The following CNTN5 variants were observed in gnomAD, a reference collection of about 807,000 sequenced individuals.
CNTN5 encodes the protein contactin 5.
A neutral mutation model predicts 129.1 loss-of-function variants in CNTN5; 77 were observed. The observed-to-expected ratio is 0.60, with a 90% confidence interval of 0.50 to 0.72. CNTN5 has a LOEUF of 0.72. CNTN5 is among the 30% of genes least tolerant of loss of function. The pLI, the probability that CNTN5 is intolerant of heterozygous loss-of-function variation, is 0.00. For synonymous variants in CNTN5, 509 were observed against 465.6 expected (o/e 1.09, Z -1.20); for missense variants, 1,478 against 1,328.8 (o/e 1.11, Z -1.75).
At chr11:100,179,284 A>G (rs1173265080) in intron 13 of CNTN5, among the ~76,000 whole-genome samples, 1 of 152,074 alleles carries the variant, frequency 6.6e-6, no homozygotes, top group Non-Finnish European at 1.5e-5. Context: ...CATGAGTTCA[A>G]CTGCTTTAAT....
intron 2 of CNTN5, among the ~76,000 whole-genome samples, chr11:99,546,219 G>T (rs1202121372): frequency 6.6e-6 from 1 of 152,132 alleles, no homozygotes; most frequent in African/African-American, 2.4e-5. Flanking sequence ...AATTTGGAAA[G>T]ATTTCATTTT....
intron 3 of CNTN5, among the ~76,000 whole-genome samples, chr11:99,739,218 A>T (rs1217273789): frequency 6.6e-6 from 1 of 152,126 alleles, no homozygotes; most frequent in East Asian, 1.9e-4. Context: ...TAATAATATA[A>T]ATTTGGAAAC....
chr11:99,377,493 C>G (rs562422988), intron 2 of CNTN5, among the ~76,000 whole-genome samples: 1 of 151,038 alleles, frequency 6.6e-6, no homozygotes, highest in South Asian at 2.2e-4. Context: ...TTATTCTTAA[C>G]AAGTCCTAAT....
chr11:99,587,442 G>A (rs1011980539), intron 3 of CNTN5, among the ~76,000 whole-genome samples: 1 of 152,234 alleles, frequency 6.6e-6, no homozygotes, highest in Non-Finnish European at 1.5e-5. Context: ...ATGGGAGCTA[G>A]TTCCCTGAAA....
chr11:99,669,932 G>A (rs1418199954), intron 3 of CNTN5, among the ~76,000 whole-genome samples: 3 of 152,152 alleles, frequency 2.0e-5, no homozygotes, highest in Non-Finnish European at 4.4e-5. Flanking sequence ...TTGGGAGTTT[G>A]ACAACTAAAG....
intron 2 of CNTN5, among the ~76,000 whole-genome samples, chr11:99,406,022 ATC>A (rs778863523): frequency 2.6e-5 from 4 of 151,156 alleles, no homozygotes; most frequent in Non-Finnish European, 5.9e-5. Flanking sequence ...AAGCTCACAT[ATC>A]TCTGTTTCTC....
At chr11:100,130,616 G>C (rs183153474) in intron 13 of CNTN5, among the ~76,000 whole-genome samples, 2 of 152,156 alleles carry the variant, frequency 1.3e-5, no homozygotes, top group Non-Finnish European at 2.9e-5. Flanking sequence ...TTCTAGAACT[G>C]TGCTTGAGTA....
chr11:99,517,691 A>G (rs1291563626), intron 2 of CNTN5, among the ~76,000 whole-genome samples: 2 of 152,032 alleles, frequency 1.3e-5, no homozygotes. Flanking sequence ...GCTAGTGATA[A>G]CGTCACTTCC....
chr11:100,309,498 A>G lies in CNTN5; in HGVS notation c.2730+1030A>G, dbSNP rs560429850. ...ATTACCTACTTATACAATATCATGG[A>G]CTTATTTCTACAATCTTGCTTCAAT... is the stretch of plus-strand genomic sequence containing the variant. On this transcript the variant is annotated intron_variant, in intron 21 of 24. Coordinates refer to ENST00000524871, the MANE Select transcript of CNTN5 (RefSeq NM_014361.4). 8.3e-6 allele frequency: 8 copies of G among 967,692 alleles called. No homozygotes were observed. The South Asian group carries it at 3.3e-4, about 41-fold the overall frequency. The allele number at this position is 967,692 out of a possible 1,614,324, so 59.9% of individuals were successfully genotyped here.
At chr11:99,665,951 G>GT (rs35577344) in intron 3 of CNTN5, among the ~76,000 whole-genome samples, 96 of 151,184 alleles carry the variant, frequency 6.3e-4, no homozygotes, top group East Asian at 4.9e-3. Flanking sequence ...ATTGTTAACT[G>GT]TTTTTTTTTG....
intron 9 of CNTN5, among the ~76,000 whole-genome samples, chr11:100,039,310 G>T (rs1446158367): frequency 6.6e-6 from 1 of 152,192 alleles, no homozygotes; most frequent in African/African-American, 2.4e-5. Flanking sequence ...ACTCTCTTCT[G>T]GCTTGTAGAG....
intron 8 of CNTN5, among the ~76,000 whole-genome samples, chr11:99,990,483 C>T (rs1033951728): frequency 6.6e-6 from 1 of 151,224 alleles, no homozygotes; most frequent in Non-Finnish European, 1.5e-5. Context: ...CACACACACA[C>T]ATACATACTA....
At chr11:99,555,597 G>A (rs578088323) in intron 2 of CNTN5, among the ~76,000 whole-genome samples, 31 of 151,928 alleles carry the variant, frequency 2.0e-4, no homozygotes, top group Middle Eastern at 3.4e-3. Context: ...ATTCACCAAA[G>A]GAGAGAACTA....
chr11:99,511,313 T>G (rs1457537395), intron 2 of CNTN5, among the ~76,000 whole-genome samples: 1 of 152,192 alleles, frequency 6.6e-6, no homozygotes, highest in East Asian at 1.9e-4. Context: ...CAGTAGTCAT[T>G]CAGGAGCAGG....
intron 8 of CNTN5, among the ~76,000 whole-genome samples, chr11:99,998,560 C>T (rs1417035081): frequency 2.2e-3 from 310 of 141,160 alleles, no homozygotes; most frequent in Non-Finnish European, 1.8e-3. Flanking sequence ...GAATCAATAT[C>T]GTGAAAATGG....
At chr11:99,681,965 G>C (rs1029271027) in intron 3 of CNTN5, among the ~76,000 whole-genome samples, 1 of 151,934 alleles carries the variant, frequency 6.6e-6, no homozygotes, top group South Asian at 2.1e-4. Flanking sequence ...CACAAAGCAA[G>C]GAGTTAATGG....
At chr11:99,329,566 T>C (rs1296064467) in intron 2 of CNTN5, among the ~76,000 whole-genome samples, 4 of 152,160 alleles carry the variant, frequency 2.6e-5, no homozygotes, top group Non-Finnish European at 5.9e-5. Flanking sequence ...CTTCATTAGA[T>C]GGGTCTGAAA....
chr11:99,531,942 G>T (rs944476521), intron 2 of CNTN5, among the ~76,000 whole-genome samples: 1 of 152,114 alleles, frequency 6.6e-6, no homozygotes, highest in Non-Finnish European at 1.5e-5. Context: ...GGAAATATGA[G>T]GTCGGAGAAC....
intron 9 of CNTN5, among the ~76,000 whole-genome samples, chr11:100,036,661 T>C (rs1158539974): frequency 3.3e-5 from 5 of 150,598 alleles, no homozygotes; most frequent in Non-Finnish European, 7.4e-5. Flanking sequence ...TGGTTTGTCA[T>C]TCTCCTTGAA....
Sources: allele counts gnomAD v4.1 joint callset (sites outside exome capture counted in the v4.1 genomes callset), GRCh38; gene constraint gnomAD v4.1.1; transcripts MANE v1.5; gene names NCBI Gene and HGNC (gene_info 2026-07-23, HGNC 2026-07-21).